Variants in BFSP1 observed in about 807,000 individuals in gnomAD.
BFSP1 encodes beaded filament structural protein 1.
In BFSP1, 38 loss-of-function variants were observed where a neutral mutation model predicts 43.9. That is an observed-to-expected ratio of 0.87 (90% CI 0.67 to 1.14). The LOEUF (loss-of-function observed/expected upper bound fraction) is 1.14, where lower values mean the gene tolerates loss of function less well. BFSP1 is among the 50% of genes most tolerant of loss of function. The pLI, the probability that BFSP1 is intolerant of heterozygous loss-of-function variation, is 0.00. For synonymous variants in BFSP1, 352 were observed against 354.8 expected, an observed-to-expected ratio of 0.99 and a Z score of 0.09; for missense variants, 850 against 875.1, an observed-to-expected ratio of 0.97 and a Z score of 0.36.
intron 1 of BFSP1, among the ~76,000 whole-genome samples, chr20:17,557,797 G>A (rs190834953): frequency 4.6e-5 from 7 of 152,114 alleles, no homozygotes; most frequent in African/African-American, 1.2e-4. Context: ...TGTGAGTCAC[G>A]CTGCTCTGTT....
At chr20:17,539,169 G>GCACT (rs2034677362) in intron 1 of BFSP1, among the ~76,000 whole-genome samples, 1 of 133,906 alleles carries the variant, frequency 7.5e-6, no homozygotes, top group Non-Finnish European at 1.5e-5. Context: ...GAAGTGCAGT[G>GCACT]GTACAATCTC....
At chr20:17,564,887 C>T (rs2035102365) in intron 1 of BFSP1, among the ~76,000 whole-genome samples, 1 of 151,894 alleles carries the variant, frequency 6.6e-6, no homozygotes, top group South Asian at 2.1e-4. Context: ...CCATGTCCGG[C>T]AAAATGCACA....
intron 1 of BFSP1, among the ~76,000 whole-genome samples, chr20:17,566,134 AAAAAAAG>A (rs1435865459): frequency 6.6e-6 from 1 of 151,764 alleles, no homozygotes; most frequent in African/African-American, 2.4e-5. Context: ...AAAAAAAAAA[AAAAAAAG>A]ACTACTGACA....
rs1036623979 is a variant in BFSP1, at chr20:17,514,599, G to A, written c.534+122C>T. ...TGACCAATTCACCCCTATTTGGTTC[G>A]AGGGAAAACGCACAAAGGTATGCCA... is the stretch of plus-strand genomic sequence containing the variant. On this transcript the variant is annotated intron_variant, in intron 3 of 7. Coordinates refer to ENST00000377873, the MANE Select transcript of BFSP1 (RefSeq NM_001195.5). The A allele has an allele frequency of 1.4e-5, 13 of 952,894 alleles. 1 individual carries two copies. Among genetic ancestry groups the A allele is most frequent in the South Asian group, 9.6e-5 (7 of 73,000 alleles). 59.0% of individuals were successfully genotyped at this position (952,894 alleles called of 1,614,324 possible). A position where few individuals can be genotyped will look rare whatever the true frequency, so the allele number is the denominator to read the frequency against.
At position 17,547,156 on chromosome 20, in the gene BFSP1, A is replaced by G. The variant is rs1600679167; in HGVS notation, c.2+11532T>C. Among the ~76,000 whole-genome samples the G allele has an allele frequency of 7.2e-5, 11 of 152,108 alleles. 1 individual carries two copies. The South Asian group carries it at 2.3e-3, about 32-fold the overall frequency. On this transcript the variant is annotated intron_variant, in intron 1 of 7. Transcript: ENST00000377868. ...TTGAGACTAGTCAGGGCAACATGGT[A>G]AGACTTTGTCTCTGTAAAAAATTAA...
chr20:17,505,733 C>G lies in BFSP1; in HGVS notation c.735+3156G>C, dbSNP rs532872132. 2.0e-5 allele frequency among the ~76,000 whole-genome samples: 3 copies of G among 152,338 alleles called. No individual in the cohort carries two copies. The East Asian group carries it at 5.8e-4, about 29-fold the overall frequency. ...GCCCACTCCCTGGGACCCGCCCTTACCCTGTGGTTCTCAGTGTGGCTCCTG... is the reference window on the plus strand; with the variant it reads ...GCCCACTCCCTGGGACCCGCCCTTAGCCTGTGGTTCTCAGTGTGGCTCCTG... On this transcript the variant is annotated intron_variant, in intron 5 of 7. Transcript: ENST00000377873.
upstream of BFSP1, among the ~76,000 whole-genome samples, chr20:17,559,766 G>A (rs534875699): frequency 2.6e-5 from 4 of 152,254 alleles, no homozygotes; most frequent in Admixed American, 2.6e-4. Flanking sequence ...ACTAATGCCA[G>A]ATGATCTGAG....
rs374265750 is a variant in BFSP1 at position 17,494,145 on chromosome 20, C to T, written c.1927G>A (p.Ala643Thr). 7.4e-6 allele frequency: 12 copies of T among 1,614,048 alleles called. No individual in the cohort carries two copies. Among genetic ancestry groups the T allele is most frequent in the African/African-American group, 6.7e-5 (5 of 74,930 alleles). The part of the protein sequence containing the change: ...TESIQTYEET[A>T]VIVETMIGKT... ...CCAATCATGGTCTCCACGATCACAGCGGTTTCTTCATATGTCTGAATGCTC... is the reference window on the plus strand; with the variant it reads ...CCAATCATGGTCTCCACGATCACAGTGGTTTCTTCATATGTCTGAATGCTC... Residue 643 changes from alanine (A) to threonine (T), a missense_variant, in exon 8 of 8, where the codon GCT (alanine) becomes ACT (threonine). By Grantham distance (58) the Ala-to-Thr change is moderately conservative. Coordinates refer to ENST00000377873, the MANE Select transcript of BFSP1 (RefSeq NM_001195.5).
intron 1 of BFSP1, among the ~76,000 whole-genome samples, chr20:17,550,766 C>T (rs2034884672): frequency 2.0e-5 from 3 of 152,218 alleles, no homozygotes; most frequent in Admixed American, 1.3e-4. Context: ...AGCCACCGTA[C>T]CTGGCCAACT....
At chr20:17,511,093 T>C (rs2034067358) in intron 4 of BFSP1, among the ~76,000 whole-genome samples, 1 of 148,246 alleles carries the variant, frequency 6.7e-6, no homozygotes, top group Non-Finnish European at 1.5e-5. Flanking sequence ...ATTACAAGCA[T>C]GAGCCACCTC....
chr20:17,498,584 C>T (rs926612421), intron 6 of BFSP1, among the ~76,000 whole-genome samples: 1 of 152,206 alleles, frequency 6.6e-6, no homozygotes, highest in African/African-American at 2.4e-5. Flanking sequence ...CAAGCATTCC[C>T]CCATCACCCC....
chr20:17,542,315 C>A (rs1198714966), intron 1 of BFSP1, among the ~76,000 whole-genome samples: 3 of 151,590 alleles, frequency 2.0e-5, no homozygotes, highest in African/African-American at 7.3e-5. Flanking sequence ...GTTGGCCAAG[C>A]ATTGTGGCTC....
intron 1 of BFSP1, among the ~76,000 whole-genome samples, chr20:17,551,829 A>C (rs757098689): frequency 6.6e-6 from 1 of 152,084 alleles, no homozygotes; most frequent in Non-Finnish European, 1.5e-5. Flanking sequence ...CTAAAAATAC[A>C]AAAACATTAG....
intron 1 of BFSP1, among the ~76,000 whole-genome samples, chr20:17,555,329 A>G (rs895546352): frequency 6.7e-6 from 1 of 148,864 alleles, no homozygotes; most frequent in Non-Finnish European, 1.5e-5. Flanking sequence ...ACAAAGTTTT[A>G]CTGAGAGTCA....
intron 1 of BFSP1, chr20:17,558,613 C>T (rs2035033787): frequency 1.3e-6 from 2 of 1,481,820 alleles, no homozygotes; most frequent in South Asian, 2.5e-5. Context: ...GAGTTTCTTT[C>T]CTAGAGTTCT....
intron 5 of BFSP1, among the ~76,000 whole-genome samples, chr20:17,504,579 G>A (rs958604314): frequency 1.3e-5 from 2 of 152,172 alleles, no homozygotes; most frequent in African/African-American, 4.8e-5. Context: ...CCTGGGAACC[G>A]AGGAAGGAAA....
upstream of BFSP1, among the ~76,000 whole-genome samples, chr20:17,533,365 A>G (rs1281073415): frequency 6.6e-6 from 1 of 152,168 alleles, no homozygotes; most frequent in African/African-American, 2.4e-5. Context: ...TTATAAAATC[A>G]TTTGTTCCCT....
chr20:17,564,745 C>T (rs757943187), intron 1 of BFSP1, among the ~76,000 whole-genome samples: 6 of 151,986 alleles, frequency 3.9e-5, no homozygotes, highest in Non-Finnish European at 7.4e-5. Context: ...CCCACTACCG[C>T]GTCCGGCTAA....
Position 17,558,747 on chromosome 20 carries a change from C to T in BFSP1, c.-58G>A, listed in dbSNP as rs2035036093. On this transcript the variant is annotated 5_prime_UTR_variant, in exon 1 of 8. Coordinates refer to the BFSP1 transcript ENST00000377868. The stretch of plus-strand genomic sequence containing the variant: ...ATTTGAAAATCCATTCAGCTCACAT[C>T]CAAGGTGTGCTGCCTGCTGCCTGAG... 3.2e-6 allele frequency: 5 copies of T among 1,550,170 alleles called. No individual in the cohort carries two copies. In the Admixed American group the frequency reaches 7.9e-5, roughly 24 times the overall value.
Sources: allele counts gnomAD v4.1 joint callset (sites outside exome capture counted in the v4.1 genomes callset), GRCh38; gene constraint gnomAD v4.1.1; transcripts MANE v1.5; gene names NCBI Gene and HGNC (gene_info 2026-07-23, HGNC 2026-07-21).